DMD: variants seen among roughly 807,000 people sequenced by gnomAD.
DMD encodes mutant dystrophin.
In DMD, 63 loss-of-function variants were observed where a neutral mutation model predicts 330.1. The ratio of observed to expected loss-of-function variants is 0.19; its 90% CI spans 0.16 to 0.24. DMD has a LOEUF of 0.24. Ranked by LOEUF, DMD falls within the 10% of genes least tolerant of loss-of-function variation. The pLI is 1.00. For synonymous variants in DMD, 1,223 were observed against 959.8 expected (o/e 1.27, Z -5.07); for missense variants, 3,344 against 2,684.1 (o/e 1.25, Z -5.43).
chrX:31,557,816 A>G (rs770394913), intron 55 of DMD, among the ~76,000 whole-genome samples: 2 of 111,200 alleles, frequency 1.8e-5, no homozygotes, highest in Non-Finnish European at 3.8e-5. Context: ...ATATGTACAC[A>G]TAAAATCGGC....
chrX:33,096,189 T>G (rs1465680505), intron 1 of DMD, among the ~76,000 whole-genome samples: 1 of 110,062 alleles, frequency 9.1e-6, no homozygotes, highest in Admixed American at 9.7e-5. Flanking sequence ...TTAGCCAGGA[T>G]GGTCTCGATC....
intron 25 of DMD, among the ~76,000 whole-genome samples, chrX:32,459,240 T>A (rs1321356733): frequency 9.0e-6 from 1 of 111,172 alleles, no homozygotes; most frequent in Non-Finnish European, 1.9e-5. Flanking sequence ...TCATCTTGAA[T>A]GTGGTAATAA....
At chrX:31,772,697 T>C (rs2090416217) in intron 51 of DMD, among the ~76,000 whole-genome samples, 1 of 112,201 alleles carries the variant, frequency 8.9e-6, no homozygotes, top group African/African-American at 3.2e-5. Flanking sequence ...GGACTTGGAT[T>C]TGAATCCTTG....
chrX:33,271,213 A>G (rs1022351887), intron 1 of DMD, among the ~76,000 whole-genome samples: 31 of 111,410 alleles, frequency 2.8e-4, no homozygotes, highest in African/African-American at 1.0e-3. Context: ...CTTTTTAAAT[A>G]ATAAAAGTAT....
chrX:32,980,273 C>T (rs757136853), intron 2 of DMD, among the ~76,000 whole-genome samples: 5 of 100,563 alleles, frequency 5.0e-5, no homozygotes, highest in South Asian at 1.0e-3. Context: ...GGCTGAGGCG[C>T]GAGGAATGCT....
intron 68 of DMD, among the ~76,000 whole-genome samples, chrX:31,182,298 T>C (rs1490274092): frequency 8.9e-6 from 1 of 112,298 alleles, no homozygotes; most frequent in Non-Finnish European, 1.9e-5. Context: ...AATGAGAGAC[T>C]GAGCTACTAT....
intron 44 of DMD, among the ~76,000 whole-genome samples, chrX:32,183,985 C>T (rs1263415340): frequency 9.0e-6 from 1 of 110,600 alleles, no homozygotes; most frequent in African/African-American, 3.3e-5. Flanking sequence ...AATGAGTCAA[C>T]CCTTGCAGAT....
chrX:31,445,748 A>G (rs1251805817), intron 59 of DMD, among the ~76,000 whole-genome samples: 1 of 111,378 alleles, frequency 9.0e-6, no homozygotes, highest in Non-Finnish European at 1.9e-5. Context: ...CTGATGCAAT[A>G]CATCATAGCA....
intron 52 of DMD, among the ~76,000 whole-genome samples, chrX:31,685,642 T>C (rs923349170): frequency 1.8e-5 from 2 of 112,502 alleles, no homozygotes; most frequent in African/African-American, 3.2e-5. Flanking sequence ...CCCATCTATC[T>C]GCCGTTGGCA....
At chrX:33,121,595 A>G (rs1474008136) in intron 1 of DMD, among the ~76,000 whole-genome samples, 1 of 111,662 alleles carries the variant, frequency 9.0e-6, no homozygotes, top group African/African-American at 3.3e-5. Context: ...AGAACCACAA[A>G]AGCTACTTAC....
intron 63 of DMD, among the ~76,000 whole-genome samples, chrX:31,250,616 A>G (rs2049254259): frequency 8.9e-6 from 1 of 112,008 alleles, no homozygotes; most frequent in Admixed American, 9.5e-5. Flanking sequence ...CTTCTATAGC[A>G]ATTTGACATT....
At chrX:32,958,819 A>G (rs2091737781) in intron 2 of DMD, among the ~76,000 whole-genome samples, 1 of 111,132 alleles carries the variant, frequency 9.0e-6, no homozygotes, top group Admixed American at 9.6e-5. Flanking sequence ...CAGATAAACT[A>G]TTGTAACCAG....
At chrX:31,507,008 T>C (rs2071016921) in intron 56 of DMD, among the ~76,000 whole-genome samples, 1 of 111,951 alleles carries the variant, frequency 8.9e-6, no homozygotes, top group Admixed American at 9.5e-5. Flanking sequence ...GAAACTAGAA[T>C]AGCTGCACTC....
intron 74 of DMD, among the ~76,000 whole-genome samples, chrX:31,167,441 C>T (rs2039534856): frequency 1.8e-5 from 2 of 111,911 alleles, no homozygotes; most frequent in South Asian, 3.7e-4. Context: ...AAAGACTATG[C>T]TAACCACAAA....
chrX:31,687,638 CAATAG>C (rs2082774324), intron 52 of DMD, among the ~76,000 whole-genome samples: 2 of 111,761 alleles, frequency 1.8e-5, no homozygotes, highest in South Asian at 3.8e-4. Flanking sequence ...AGCTTAGCCA[CAATAG>C]AATAGAACAT....
chrX:31,352,909 C>T (rs181761693), intron 60 of DMD, among the ~76,000 whole-genome samples: 69 of 111,530 alleles, frequency 6.2e-4, no homozygotes, highest in Middle Eastern at 4.6e-3. Context: ...ATCTATTAAA[C>T]GAGAGCCTCC....
chrX:32,963,309 T>C (rs2091978555), intron 2 of DMD, among the ~76,000 whole-genome samples: 1 of 111,973 alleles, frequency 8.9e-6, no homozygotes, highest in Non-Finnish European at 1.9e-5. Context: ...TATCCCAAAA[T>C]GAACTTAATA....
At chrX:32,477,552 A>T (rs1416534560) in intron 21 of DMD, among the ~76,000 whole-genome samples, 1 of 111,147 alleles carries the variant, frequency 9.0e-6, no homozygotes, top group Admixed American at 9.7e-5. Flanking sequence ...TTGTGATAAC[A>T]AAAGAGCTAA....
rs1467226250 is a variant in DMD, at chrX:31,149,642, C to CT, written c.10554-2125dup. 3.6e-5 allele frequency among the ~76,000 whole-genome samples: 4 copies of CT among 111,388 alleles called. No individual in the cohort carries two copies. In the East Asian group the frequency reaches 8.4e-4, roughly 23 times the overall value. On this transcript the variant is annotated intron_variant, in intron 74 of 78. Coordinates refer to ENST00000357033, the MANE Select transcript of DMD (RefSeq NM_004006.3). ...CATTAATAATGTTTTACTTGTTACTCTTTTTTTTCCTCTTGCTTTACAGGT... is the reference window on the plus strand; with the variant it reads ...CATTAATAATGTTTTACTTGTTACTCTTTTTTTTTCCTCTTGCTTTACAGGT...
Sources: gnomAD v4.1 joint callset for allele counts (sites outside exome capture counted in the v4.1 genomes callset) on GRCh38, gnomAD v4.1.1 for gene constraint, MANE v1.5 for transcripts, NCBI Gene and HGNC (gene_info 2026-07-23, HGNC 2026-07-21) for gene names.